Variants in TNS3 observed in about 807,000 individuals in gnomAD.
TNS3 encodes the protein tensin-3.
Under a neutral mutation model 140.9 loss-of-function variants are expected in TNS3, and 45 were observed. The observed-to-expected ratio is 0.32, with a 90% confidence interval of 0.25 to 0.41. The LOEUF (loss-of-function observed/expected upper bound fraction) is 0.41, where lower values mean the gene tolerates loss of function less well. TNS3 is among the 10% of genes least tolerant of loss of function. The probability of loss-of-function intolerance (pLI) is 1.00; values close to 1 mark genes in which losing one functional copy is unlikely to be tolerated. For missense variants in TNS3, 1,716 were observed against 1,906.7 expected (o/e 0.90, Z 1.86); for synonymous variants, 815 against 788.4 (o/e 1.03, Z -0.56).
At chr7:47,511,570 T>C (rs1290187288) in intron 2 of TNS3, among the ~76,000 whole-genome samples, 2 of 147,958 alleles carry the variant, frequency 1.4e-5, no homozygotes, top group African/African-American at 2.5e-5. Flanking sequence ...CTTTAGGGTC[T>C]TCTAGGACCC....
intron 1 of TNS3, among the ~76,000 whole-genome samples, chr7:47,538,708 T>C (rs543967676): frequency 1.3e-5 from 2 of 152,136 alleles, no homozygotes; most frequent in South Asian, 4.1e-4. Flanking sequence ...AAAAACCTCC[T>C]CCTAGAACAC....
intron 12 of TNS3, among the ~76,000 whole-genome samples, chr7:47,412,357 G>A (rs190925891): frequency 1.2e-4 from 18 of 152,288 alleles, no homozygotes; most frequent in East Asian, 3.9e-4. Context: ...CATGGCTCAC[G>A]CCTGTAATCC....
intron 16 of TNS3, among the ~76,000 whole-genome samples, chr7:47,371,695 T>C (rs1241395172): frequency 6.7e-6 from 1 of 150,274 alleles, no homozygotes; most frequent in Admixed American, 6.6e-5. Flanking sequence ...TGGACTAAAC[T>C]ATAAGGCATG....
At chr7:47,535,375 G>A (rs1039369221) in intron 1 of TNS3, among the ~76,000 whole-genome samples, 1 of 151,868 alleles carries the variant, frequency 6.6e-6, no homozygotes, top group Non-Finnish European at 1.5e-5. Context: ...CTGTTGCGAG[G>A]GCTCAGCCAT....
intron 2 of TNS3, among the ~76,000 whole-genome samples, chr7:47,507,807 C>T (rs1396552101): frequency 6.6e-6 from 1 of 152,184 alleles, no homozygotes; most frequent in Non-Finnish European, 1.5e-5. Context: ...AAGGGAACGT[C>T]GGGTACATGC....
chr7:47,319,415 CAGAG>C (rs144100178), intron 20 of TNS3, among the ~76,000 whole-genome samples: 14 of 148,720 alleles, frequency 9.4e-5, no homozygotes, highest in African/African-American at 2.2e-4. Flanking sequence ...GAGAGAGAGA[CAGAG>C]AGAGAGAGAG....
chr7:47,341,685 A>C (rs115080615), intron 20 of TNS3, among the ~76,000 whole-genome samples: 2,022 of 151,160 alleles, frequency 0.013, 37 homozygotes, highest in African/African-American at 0.047. Flanking sequence ...TCTTTCATTT[A>C]TTTTCTCTAT....
intron 6 of TNS3, 48 bp from the exon 7 acceptor site, chr7:47,437,361 T>C (rs767320183): frequency 2.2e-6 from 2 of 922,548 alleles, no homozygotes; most frequent in Admixed American, 3.7e-5. Flanking sequence ...ATTTTAATAT[T>C]TTAAAAATTA....
At chr7:47,428,907 T>C (rs188911409) in intron 8 of TNS3, among the ~76,000 whole-genome samples, 83 of 152,166 alleles carry the variant, frequency 5.5e-4, no homozygotes, top group Non-Finnish European at 8.2e-4. Context: ...CAGGCAGAAG[T>C]TCTGGAAAAG....
At chr7:47,315,351 G>A (rs993623236) in intron 20 of TNS3, among the ~76,000 whole-genome samples, 2 of 152,344 alleles carry the variant, frequency 1.3e-5, no homozygotes, top group South Asian at 2.1e-4. Context: ...TGCTGCTGCG[G>A]GGCAGCCCCC....
chr7:47,384,094 C>T (rs531993924), intron 16 of TNS3, among the ~76,000 whole-genome samples: 2 of 152,214 alleles, frequency 1.3e-5, no homozygotes, highest in African/African-American at 2.4e-5. Flanking sequence ...CATTCTCCCC[C>T]CACTGTCTCC....
rs1257901614 is a variant in TNS3 at position 47,369,575 on chromosome 7, C to A, written c.1071G>T (p.Val357=). ...GPVDGSLYAK[V]RKKSSSDPGI... ...CAGGATCCGAGGAGCTTTTCTTCCT[C>A]ACCTTCGCGTAAAGGCTGCCATCGA... Residue 357 remains valine (V), a synonymous_variant, in exon 17 of 31, where the codon GTG becomes GTT. Coordinates refer to ENST00000311160, the MANE Select transcript of TNS3 (RefSeq NM_022748.12). The A allele has an allele frequency of 2.5e-6, 4 of 1,607,798 alleles. No individual in the cohort carries two copies. The highest frequency in any genetic ancestry group is 3.4e-6 in the Non-Finnish European group (4 of 1,176,742).
intron 3 of TNS3, among the ~76,000 whole-genome samples, chr7:47,493,423 T>A (rs899114581): frequency 3.9e-5 from 6 of 152,042 alleles, no homozygotes; most frequent in Non-Finnish European, 8.8e-5. Flanking sequence ...TCCACAAAGG[T>A]AGGCACCAGA....
In TNS3 at chr7:47,446,688, C is replaced by CTTTTTTTTTTTTTTT. The variant is rs144042398; in HGVS notation, c.-75-4648_-75-4634dup. On this transcript the variant is annotated intron_variant, in intron 4 of 30. Coordinates refer to ENST00000311160, the MANE Select transcript of TNS3 (RefSeq NM_022748.12). ...CAAAGACCGCCCTGTTCCAGGCTGCCTTTTTTTTTTTTTTTTTTTTTTTTT... is the reference window on the plus strand; with the variant it reads ...CAAAGACCGCCCTGTTCCAGGCTGCCTTTTTTTTTTTTTTTTTTTTTTTTTTTTTTTTTTTTTTTT... Among the ~76,000 whole-genome samples, 62 of 96,708 alleles carry CTTTTTTTTTTTTTTT rather than the reference C, an allele frequency of 6.4e-4. 9 individuals are homozygous for CTTTTTTTTTTTTTTT. Among genetic ancestry groups the CTTTTTTTTTTTTTTT allele is most frequent in the African/African-American group, 2.3e-3 (50 of 22,038 alleles). The allele number at this position is 96,708 out of a possible 152,430, so 63.4% of individuals were successfully genotyped here. A position where few individuals can be genotyped will look rare whatever the true frequency, so the allele number is the denominator to read the frequency against.
At chr7:47,439,352 G>T (rs1292457560) in intron 6 of TNS3, 135 bp downstream of exon 6, 4 of 959,908 alleles carry the variant, frequency 4.2e-6, no homozygotes, top group Non-Finnish European at 6.1e-6. Context: ...GGACGAAGGC[G>T]CCACGGACAG....
chr7:47,432,896 A>T (rs1794993546), intron 8 of TNS3, among the ~76,000 whole-genome samples: 1 of 152,212 alleles, frequency 6.6e-6, no homozygotes, highest in South Asian at 2.1e-4. Flanking sequence ...ATTCTTTTGG[A>T]CTTGGAATTG....
At chr7:47,463,594 T>C (rs1235945843) in intron 4 of TNS3, among the ~76,000 whole-genome samples, 1 of 152,168 alleles carries the variant, frequency 6.6e-6, no homozygotes, top group Non-Finnish European at 1.5e-5. Context: ...ACATCAGCAC[T>C]ACACTTGCAT....
At chr7:47,387,560 G>C (rs1370154496) in intron 16 of TNS3, among the ~76,000 whole-genome samples, 2 of 152,220 alleles carry the variant, frequency 1.3e-5, no homozygotes, top group African/African-American at 4.8e-5. Context: ...AAGGACCCAA[G>C]TCAAAGAGAT....
chr7:47,523,897 G>A (rs1430013533), intron 2 of TNS3, among the ~76,000 whole-genome samples: 2 of 152,242 alleles, frequency 1.3e-5, no homozygotes, highest in Non-Finnish European at 2.9e-5. Flanking sequence ...AGGGCTCAAG[G>A]CAGAAGAGCT....
Sources: allele counts gnomAD v4.1 joint callset (sites outside exome capture counted in the v4.1 genomes callset), GRCh38; gene constraint gnomAD v4.1.1; transcripts MANE v1.5; gene names NCBI Gene and HGNC (gene_info 2026-07-23, HGNC 2026-07-21).